ANKS1B: variants seen among roughly 807,000 people sequenced by gnomAD.
ANKS1B encodes the protein ankyrin repeat and sterile alpha motif domain-containing protein 1B.
Under a neutral mutation model 148.3 loss-of-function variants are expected in ANKS1B, and 36 were observed. The ratio of observed to expected loss-of-function variants is 0.24; its 90% CI spans 0.19 to 0.32. ANKS1B has a LOEUF of 0.32. Among genes scored for constraint, ANKS1B ranks in the 10% least tolerant of loss-of-function variants. ANKS1B has a pLI of 1.00. For synonymous variants in ANKS1B, 542 were observed against 560.8 expected (o/e 0.97, Z 0.47); for missense variants, 1,157 against 1,542.6 (o/e 0.75, Z 4.19).
At chr12:98,872,426 C>T (rs1434599399) in intron 17 of ANKS1B, among the ~76,000 whole-genome samples, 1 of 152,132 alleles carries the variant, frequency 6.6e-6, no homozygotes, top group Non-Finnish European at 1.5e-5. Context: ...GTAATCTCAG[C>T]TACTCGGGAC....
chr12:99,923,884 G>A (rs1381981798), intron 1 of ANKS1B, among the ~76,000 whole-genome samples: 1 of 152,020 alleles, frequency 6.6e-6, no homozygotes, highest in African/African-American at 2.4e-5. Context: ...AGGAGAGTGA[G>A]GCATTCAACT....
chr12:99,891,646 A>C, intron 1 of ANKS1B, among the ~76,000 whole-genome samples: 1 of 152,224 alleles, frequency 6.6e-6, no homozygotes, highest in Admixed American at 6.5e-5. Flanking sequence ...TATTTTAATA[A>C]ACTTTGGATA....
intron 14 of ANKS1B, among the ~76,000 whole-genome samples, chr12:99,232,202 T>C (rs952055964): frequency 6.6e-6 from 1 of 152,200 alleles, no homozygotes; most frequent in Admixed American, 6.6e-5. Flanking sequence ...TAAAATTCCT[T>C]AGGAATTAAT....
intron 9 of ANKS1B, among the ~76,000 whole-genome samples, chr12:99,559,511 A>T (rs1403606120): frequency 6.6e-6 from 1 of 152,150 alleles, no homozygotes; most frequent in Non-Finnish European, 1.5e-5. Context: ...AATTAATATT[A>T]CTCGTTCCAG....
intron 12 of ANKS1B, among the ~76,000 whole-genome samples, chr12:99,342,544 C>A (rs1483431365): frequency 6.6e-6 from 1 of 151,982 alleles, no homozygotes; most frequent in Non-Finnish European, 1.5e-5. Context: ...AGCTGTGATG[C>A]CTTCTAAACT....
chr12:99,191,634 A>G (rs982177521), intron 14 of ANKS1B, among the ~76,000 whole-genome samples: 3 of 152,170 alleles, frequency 2.0e-5, no homozygotes, highest in Non-Finnish European at 2.9e-5. Context: ...CATAAGTGGG[A>G]ACTGAACAAT....
intron 11 of ANKS1B, among the ~76,000 whole-genome samples, chr12:99,417,773 G>A (rs1268349215): frequency 6.6e-5 from 10 of 151,800 alleles, no homozygotes; most frequent in Admixed American, 2.0e-4. Context: ...GGAGTTCACC[G>A]AGGCTCATAA....
In ANKS1B at chr12:99,627,876, A is replaced by T. The variant is rs181933061; in HGVS notation, c.1272+27191T>A. ...ACTTTAGGAAGGAAATGGACCTTAAAGTTTATAAAATTAATAGTTTTGCAC... is the reference window on the plus strand; with the variant it reads ...ACTTTAGGAAGGAAATGGACCTTAATGTTTATAAAATTAATAGTTTTGCAC... On this transcript the variant is annotated intron_variant, in intron 9 of 26. Transcript: ENST00000683438. 1.5e-3 allele frequency among the ~76,000 whole-genome samples: 221 copies of T among 152,314 alleles called. 2 individuals are homozygous for T. Among genetic ancestry groups the T allele is most frequent in the Non-Finnish European group, 1.9e-3 (132 of 68,030 alleles).
intron 10 of ANKS1B, among the ~76,000 whole-genome samples, chr12:99,451,292 A>C (rs1039122201): frequency 2.0e-5 from 3 of 152,232 alleles, no homozygotes; most frequent in African/African-American, 7.2e-5. Context: ...CTATGACTAT[A>C]AAATAATTCA....
chr12:99,061,833 C>T (rs974392264), intron 16 of ANKS1B, among the ~76,000 whole-genome samples: 5 of 152,122 alleles, frequency 3.3e-5, no homozygotes, highest in East Asian at 1.9e-4. Context: ...CATCTGTTAT[C>T]GTTAAAGAAG....
At chr12:99,824,719 T>C (rs1037185705) in intron 2 of ANKS1B, among the ~76,000 whole-genome samples, 1 of 152,092 alleles carries the variant, frequency 6.6e-6, no homozygotes, top group Non-Finnish European at 1.5e-5. Context: ...GAAATAGAGA[T>C]TGTTACGGCT....
intron 9 of ANKS1B, among the ~76,000 whole-genome samples, chr12:99,637,550 CAATCT>C (rs1401231004): frequency 6.6e-6 from 1 of 152,062 alleles, no homozygotes; most frequent in Non-Finnish European, 1.5e-5. Context: ...TGGGCAGGCG[CAATCT>C]AATCAGCTGC....
intron 8 of ANKS1B, among the ~76,000 whole-genome samples, chr12:99,684,438 A>G (rs2098638362): frequency 6.6e-6 from 1 of 152,012 alleles, no homozygotes; most frequent in South Asian, 2.1e-4. Context: ...AAAGATCTCT[A>G]CAAGGAAAAC....
intron 17 of ANKS1B, among the ~76,000 whole-genome samples, chr12:98,942,431 G>A (rs576799894): frequency 6.6e-6 from 1 of 152,286 alleles, no homozygotes; most frequent in South Asian, 2.1e-4. Context: ...TCTGCAAGCA[G>A]AGGTCAGCCA....
intron 1 of ANKS1B, among the ~76,000 whole-genome samples, chr12:99,932,954 G>A (rs997335837): frequency 2.0e-5 from 3 of 152,142 alleles, no homozygotes; most frequent in Admixed American, 2.0e-4. Flanking sequence ...GCAAGAGATA[G>A]GGGTCCAGTT....
At chr12:99,353,587 A>G (rs2091669918) in intron 12 of ANKS1B, among the ~76,000 whole-genome samples, 1 of 151,954 alleles carries the variant, frequency 6.6e-6, no homozygotes, top group East Asian at 1.9e-4. Flanking sequence ...GTTTCCTTTT[A>G]ATCTTTTTCA....
At chr12:99,116,757 G>A (rs2061524373) in intron 15 of ANKS1B, among the ~76,000 whole-genome samples, 1 of 151,962 alleles carries the variant, frequency 6.6e-6, no homozygotes, top group Non-Finnish European at 1.5e-5. Context: ...GTAGCTTAAT[G>A]GGGATAGCAT....
intron 12 of ANKS1B, among the ~76,000 whole-genome samples, chr12:99,350,015 A>G (rs1301328191): frequency 1.3e-5 from 2 of 152,046 alleles, no homozygotes; most frequent in African/African-American, 4.8e-5. Flanking sequence ...CTGTGTCCCC[A>G]CGGAAATCTC....
chr12:98,808,699 C>G (rs1314888053), intron 19 of ANKS1B, among the ~76,000 whole-genome samples: 2 of 152,174 alleles, frequency 1.3e-5, no homozygotes, highest in East Asian at 3.8e-4. Flanking sequence ...ACCAGCATCC[C>G]TTCCCAGGAG....
Sources: gnomAD v4.1 joint callset for allele counts (sites outside exome capture counted in the v4.1 genomes callset) on GRCh38, gnomAD v4.1.1 for gene constraint, MANE v1.5 for transcripts, NCBI Gene and HGNC (gene_info 2026-07-23, HGNC 2026-07-21) for gene names.